The following PARD3B variants were observed in gnomAD, a reference collection of about 807,000 sequenced individuals.
PARD3B encodes par-3 family cell polarity regulator beta, also known as partitioning defective 3 homolog B.
PARD3B carries 103 observed loss-of-function variants against 130.2 expected under a neutral mutation model. That is an observed-to-expected ratio of 0.79 (90% CI 0.67 to 0.93). The LOEUF (loss-of-function observed/expected upper bound fraction) is 0.93. Among genes scored for constraint, PARD3B ranks in the 40% least tolerant of loss-of-function variants. The pLI, the probability that PARD3B is intolerant of heterozygous loss-of-function variation, is 0.00. For synonymous variants in PARD3B, 583 were observed against 553.2 expected (o/e 1.05, Z -0.76); for missense variants, 1,609 against 1,499.2 (o/e 1.07, Z -1.21).
chr2:205,018,656 C>T (rs1333375259), intron 3 of PARD3B, among the ~76,000 whole-genome samples: 1 of 130,414 alleles, frequency 7.7e-6, no homozygotes, highest in African/African-American at 2.9e-5. Context: ...TTTTTCTTGA[C>T]CCAAGGTTAC....
intron 2 of PARD3B, among the ~76,000 whole-genome samples, chr2:204,910,786 C>T (rs1559250215): frequency 6.6e-6 from 1 of 152,092 alleles, no homozygotes; most frequent in Non-Finnish European, 1.5e-5. Flanking sequence ...GGACTACAGG[C>T]GTGCACCACT....
In PARD3B at chr2:205,515,195, T is replaced by C. The variant is rs144847526; in HGVS notation, c.3180+15164T>C. ...GATCTCATTCTTTTTTACGGCTGCA[T>C]AGTATTCCATGCTGTATATGTGCCA... On this transcript the variant is annotated intron_variant, in intron 21 of 22. Coordinates refer to ENST00000406610, the MANE Select transcript of PARD3B (RefSeq NM_001302769.2). Among the ~76,000 whole-genome samples, 869 of 152,316 alleles carry C rather than the reference T, an allele frequency of 5.7e-3. 5 individuals carry two copies. Among genetic ancestry groups the C allele is most frequent in the African/African-American group, 0.02 (820 of 41,588 alleles).
At chr2:205,506,171 A>G (rs2050356037) in intron 21 of PARD3B, among the ~76,000 whole-genome samples, 1 of 152,130 alleles carries the variant, frequency 6.6e-6, no homozygotes, top group East Asian at 1.9e-4. Context: ...TGTCTTTACT[A>G]AAAATACAAA....
At chr2:204,546,230 G>A in intron 1 of PARD3B, 111 bp downstream of exon 1, 2 of 1,415,564 alleles carry the variant, frequency 1.4e-6, no homozygotes, top group South Asian at 2.6e-5. Flanking sequence ...ATGGGGCACT[G>A]CCTGTAGCTG....
At chr2:205,506,443 T>C (rs1217124677) in intron 21 of PARD3B, among the ~76,000 whole-genome samples, 1 of 152,160 alleles carries the variant, frequency 6.6e-6, no homozygotes, top group African/African-American at 2.4e-5. Flanking sequence ...AATGTAAACA[T>C]CTGAAAGATT....
At chr2:205,477,284 G>A (rs1017408718) in intron 20 of PARD3B, among the ~76,000 whole-genome samples, 1 of 152,150 alleles carries the variant, frequency 6.6e-6, no homozygotes, top group Non-Finnish European at 1.5e-5. Flanking sequence ...TATTTTTACA[G>A]CAACTCTGTG....
chr2:205,523,143 C>G (rs186315927), intron 21 of PARD3B, among the ~76,000 whole-genome samples: 26 of 150,888 alleles, frequency 1.7e-4, no homozygotes, highest in Middle Eastern at 3.5e-3. Flanking sequence ...CTTGTCCTTT[C>G]TGTCATCTTG....
Position 205,619,094 on chromosome 2 carries a change from T to C in PARD3B, c.*3281T>C, listed in dbSNP as rs1575501137. The C allele has an allele frequency of 6.6e-6, 1 of 152,164 alleles. No individual in the cohort carries two copies. Among genetic ancestry groups the C allele is most frequent in the Non-Finnish European group, 1.5e-5 (1 of 68,028 alleles). The allele number at this position is 152,164 out of a possible 1,614,324, so 9.4% of individuals were successfully genotyped here. ...AAGAACAGAGGCTTCACTGTAGCTATAGTTTTCCACCAAGTCAATCAAATT... is the reference window on the plus strand; with the variant it reads ...AAGAACAGAGGCTTCACTGTAGCTACAGTTTTCCACCAAGTCAATCAAATT... On this transcript the variant is annotated 3_prime_UTR_variant, in exon 23 of 23. Transcript: ENST00000406610.
chr2:205,036,192 G>A (rs1487734093), intron 3 of PARD3B, among the ~76,000 whole-genome samples: 1 of 143,916 alleles, frequency 6.9e-6, no homozygotes, highest in Non-Finnish European at 1.5e-5. Flanking sequence ...TACAAAATAA[G>A]TATATAGTGG....
At chr2:205,354,632 T>C (rs1423887705) in intron 18 of PARD3B, among the ~76,000 whole-genome samples, 2 of 152,284 alleles carry the variant, frequency 1.3e-5, no homozygotes, top group East Asian at 3.9e-4. Flanking sequence ...CCTCATTTCT[T>C]GATGAAGATT....
chr2:205,453,772 A>G (rs2048182030), intron 20 of PARD3B, among the ~76,000 whole-genome samples: 1 of 152,236 alleles, frequency 6.6e-6, no homozygotes, highest in East Asian at 1.9e-4. Flanking sequence ...AGAGCATTAC[A>G]TATACTGTAA....
chr2:205,588,999 C>A (rs1345473818), intron 22 of PARD3B, among the ~76,000 whole-genome samples: 1 of 152,194 alleles, frequency 6.6e-6, no homozygotes, highest in Non-Finnish European at 1.5e-5. Context: ...TTCAAATAAG[C>A]ATCTCTGGCT....
rs112202216 is a variant in PARD3B at position 204,580,492 on chromosome 2, C to G, written c.120+34373C>G. Among the ~76,000 whole-genome samples the G allele has an allele frequency of 9.0e-3, 1,365 of 152,234 alleles. 19 individuals carry two copies. The highest frequency in any genetic ancestry group is 0.032 in the African/African-American group (1,325 of 41,538). ...CATTTTTCTGTCATCTGACCCTAGC[C>G]GATCCTATCACTTGTTATGGAGGTA... On this transcript the variant is annotated intron_variant, in intron 1 of 22. Coordinates refer to ENST00000406610, the MANE Select transcript of PARD3B (RefSeq NM_001302769.2).
intron 2 of PARD3B, among the ~76,000 whole-genome samples, chr2:204,903,971 C>T (rs1419869802): frequency 4.6e-5 from 7 of 152,096 alleles, no homozygotes; most frequent in Non-Finnish European, 1.5e-5. Context: ...TGAGATATCC[C>T]GTTTGCTATT....
At chr2:205,232,992 C>T (rs904527171) in intron 15 of PARD3B, among the ~76,000 whole-genome samples, 3 of 152,146 alleles carry the variant, frequency 2.0e-5, no homozygotes, top group East Asian at 1.9e-4. Flanking sequence ...AACATGTTTT[C>T]GAATGTAATG....
intron 4 of PARD3B, among the ~76,000 whole-genome samples, chr2:205,075,485 A>G (rs1299367472): frequency 6.6e-6 from 1 of 152,052 alleles, no homozygotes; most frequent in Non-Finnish European, 1.5e-5. Flanking sequence ...AAGAAAAGGA[A>G]AATCCAAGAT....
chr2:205,354,459 T>C (rs1196989817), intron 18 of PARD3B, among the ~76,000 whole-genome samples: 1 of 89,918 alleles, frequency 1.1e-5, no homozygotes, highest in Admixed American at 1.6e-4. Flanking sequence ...TAAAGTATAA[T>C]AAAAAAAATG....
intron 22 of PARD3B, among the ~76,000 whole-genome samples, chr2:205,557,822 C>T (rs1452708921): frequency 5.3e-5 from 8 of 152,116 alleles, no homozygotes; most frequent in Non-Finnish European, 2.9e-5. Flanking sequence ...CTCATTTTCC[C>T]TGGCTTCTTG....
At chr2:204,878,308 G>A (rs1033570495) in intron 2 of PARD3B, among the ~76,000 whole-genome samples, 19 of 152,020 alleles carry the variant, frequency 1.2e-4, no homozygotes, top group Admixed American at 3.3e-4. Flanking sequence ...CAGTAAAACC[G>A]GGTGTATAAT....
Sources: allele counts gnomAD v4.1 joint callset (sites outside exome capture counted in the v4.1 genomes callset), GRCh38; gene constraint gnomAD v4.1.1; transcripts MANE v1.5; gene names NCBI Gene and HGNC (gene_info 2026-07-23, HGNC 2026-07-21).